The following PTPRD variants were observed in gnomAD, a reference collection of about 807,000 sequenced individuals.
PTPRD encodes protein tyrosine phosphatase receptor type D.
A neutral mutation model predicts 214.5 loss-of-function variants in PTPRD; 34 were observed. The ratio of observed to expected loss-of-function variants is 0.16; its 90% CI spans 0.12 to 0.21. PTPRD has a LOEUF of 0.21. Ranked by LOEUF, PTPRD falls within the 10% of genes least tolerant of loss-of-function variation. The pLI, the probability that PTPRD is intolerant of heterozygous loss-of-function variation, is 1.00. For missense variants in PTPRD, 2,545 were observed against 2,398.7 expected, an observed-to-expected ratio of 1.06 and a Z score of -1.27; for synonymous variants, 1,128 against 845.7, an observed-to-expected ratio of 1.33 and a Z score of -5.79.
intron 10 of PTPRD, among the ~76,000 whole-genome samples, chr9:9,031,435 G>T (rs1459923408): frequency 6.6e-6 from 1 of 151,968 alleles, no homozygotes; most frequent in Non-Finnish European, 1.5e-5. Context: ...TAGCTCCTAG[G>T]TCACAACGTG....
At chr9:8,469,991 T>G (rs2096620853) in intron 31 of PTPRD, among the ~76,000 whole-genome samples, 1 of 152,118 alleles carries the variant, frequency 6.6e-6, no homozygotes, top group African/African-American at 2.4e-5. Context: ...ATTTATTCTT[T>G]TCCTTGCTCT....
intron 8 of PTPRD, among the ~76,000 whole-genome samples, chr9:9,491,808 A>G (rs1046804640): frequency 6.6e-6 from 1 of 152,058 alleles, no homozygotes; most frequent in African/African-American, 2.4e-5. Flanking sequence ...TGAGAAAAAA[A>G]TCAACTCAAC....
intron 5 of PTPRD, among the ~76,000 whole-genome samples, chr9:9,785,254 A>G (rs1032776016): frequency 6.6e-6 from 1 of 152,080 alleles, no homozygotes; most frequent in African/African-American, 2.4e-5. Context: ...TGCAGGCAAG[A>G]TTCGCAAGGG....
chr9:9,677,940 G>A (rs1050617902), intron 7 of PTPRD, among the ~76,000 whole-genome samples: 2 of 152,086 alleles, frequency 1.3e-5, no homozygotes, highest in Admixed American at 6.6e-5. Flanking sequence ...CAAACAGAGA[G>A]CCAAATCATG....
chr9:10,566,569 G>A (rs2065683206), intron 2 of PTPRD, among the ~76,000 whole-genome samples: 1 of 151,920 alleles, frequency 6.6e-6, no homozygotes, highest in Non-Finnish European at 1.5e-5. Context: ...GGAGTTCTAT[G>A]TTCTGTATAT....
At chr9:9,786,578 A>T (rs2098925930) in intron 5 of PTPRD, among the ~76,000 whole-genome samples, 1 of 152,174 alleles carries the variant, frequency 6.6e-6, no homozygotes, top group Non-Finnish European at 1.5e-5. Context: ...TTGCTGGTAG[A>T]AGCAAGACGA....
At chr9:9,925,785 T>C (rs1269664609) in intron 5 of PTPRD, among the ~76,000 whole-genome samples, 1 of 152,150 alleles carries the variant, frequency 6.6e-6, no homozygotes, top group Non-Finnish European at 1.5e-5. Flanking sequence ...AGATAGATGA[T>C]GACTTGTGAG....
Position 9,938,543 on chromosome 9 carries a change from A to C in PTPRD, c.-404T>G, listed in dbSNP as rs1357604156. 1 of 152,158 alleles carries C rather than the reference A, an allele frequency of 6.6e-6. No homozygotes were observed. The highest frequency in any genetic ancestry group is 1.5e-5 in the Non-Finnish European group (1 of 68,036). The allele number at this position is 152,158 out of a possible 1,614,324, so 9.4% of individuals were successfully genotyped here. ...GCCCATCGCTTCCCTCGGTGCCAACATGCTGTCAGTCAGACACCTCTAACT... is the reference window on the plus strand; with the variant it reads ...GCCCATCGCTTCCCTCGGTGCCAACCTGCTGTCAGTCAGACACCTCTAACT... On this transcript the variant is annotated 5_prime_UTR_variant, in exon 5 of 46. It removes an upstream start codon present in the reference 5' UTR. Coordinates refer to ENST00000381196, the MANE Select transcript of PTPRD (RefSeq NM_002839.4).
chr9:9,214,469 G>C (rs2099950831), intron 9 of PTPRD, among the ~76,000 whole-genome samples: 1 of 148,820 alleles, frequency 6.7e-6, no homozygotes. Flanking sequence ...CGTTAAAGCA[G>C]TTAAGGGAGG....
intron 5 of PTPRD, among the ~76,000 whole-genome samples, chr9:9,891,507 C>A (rs1247542460): frequency 2.0e-5 from 3 of 151,720 alleles, no homozygotes; most frequent in Non-Finnish European, 2.9e-5. Context: ...ATGTATATTT[C>A]TCTGCATATT....
At chr9:10,022,808 C>A (rs1387463468) in intron 4 of PTPRD, among the ~76,000 whole-genome samples, 2 of 152,126 alleles carry the variant, frequency 1.3e-5, no homozygotes, top group East Asian at 3.9e-4. Context: ...AAAATGATTT[C>A]TTCCATTAAT....
intron 5 of PTPRD, among the ~76,000 whole-genome samples, chr9:9,934,613 C>A (rs2088381213): frequency 6.6e-6 from 1 of 150,906 alleles, no homozygotes. Flanking sequence ...GAGTCCAGGA[C>A]CAGATGGATT....
intron 2 of PTPRD, among the ~76,000 whole-genome samples, chr9:10,363,489 T>A (rs1264556577): frequency 1.6e-4 from 24 of 152,230 alleles, no homozygotes; most frequent in Admixed American, 1.5e-3. Context: ...AATTGTCACA[T>A]GTGATGTTAA....
chr9:10,327,009 A>AT (rs1228272727), intron 3 of PTPRD, among the ~76,000 whole-genome samples: 1 of 151,298 alleles, frequency 6.6e-6, no homozygotes, highest in Non-Finnish European at 1.5e-5. Flanking sequence ...CGATCTTGTA[A>AT]TTTTTTTGTG....
intron 2 of PTPRD, among the ~76,000 whole-genome samples, chr9:10,456,992 T>C (rs899071840): frequency 2.0e-4 from 31 of 151,932 alleles, no homozygotes; most frequent in African/African-American, 7.0e-4. Flanking sequence ...CAGAATTACT[T>C]ATAAAAGCCA....
intron 6 of PTPRD, among the ~76,000 whole-genome samples, chr9:9,736,178 G>C (rs1187060481): frequency 6.6e-6 from 1 of 152,070 alleles, no homozygotes; most frequent in Non-Finnish European, 1.5e-5. Context: ...ATTGTACACT[G>C]TAATCTCAGT....
chr9:8,576,012 C>G (rs543851968), intron 14 of PTPRD, among the ~76,000 whole-genome samples: 17 of 152,142 alleles, frequency 1.1e-4, no homozygotes, highest in Non-Finnish European at 2.4e-4. Context: ...GTCCTAACAG[C>G]CTTTAAATCC....
intron 14 of PTPRD, among the ~76,000 whole-genome samples, chr9:8,555,096 A>G (rs1398747913): frequency 6.6e-6 from 1 of 152,188 alleles, no homozygotes; most frequent in Non-Finnish European, 1.5e-5. Context: ...ACTTCCCAGA[A>G]TAAGTCAGAT....
chr9:9,164,353 C>T (rs1013390244), intron 10 of PTPRD, among the ~76,000 whole-genome samples: 2 of 152,184 alleles, frequency 1.3e-5, no homozygotes, highest in African/African-American at 2.4e-5. Context: ...TGCCTTCCCA[C>T]ATTGATTTTC....
Sources: allele counts gnomAD v4.1 joint callset (sites outside exome capture counted in the v4.1 genomes callset), GRCh38; gene constraint gnomAD v4.1.1; transcripts MANE v1.5; gene names NCBI Gene and HGNC (gene_info 2026-07-23, HGNC 2026-07-21).